Variants in PNISR observed in about 807,000 individuals in gnomAD.
PNISR encodes PNN interacting serine and arginine rich protein.
Under a neutral mutation model 93.4 loss-of-function variants are expected in PNISR, and 20 were observed. The ratio of observed to expected loss-of-function variants is 0.21; its 90% confidence interval spans 0.15 to 0.31. The LOEUF is 0.31. Among genes scored for constraint, PNISR ranks in the 10% least tolerant of loss-of-function variants. PNISR has a pLI of 1.00. For synonymous variants in PNISR, 305 were observed against 306.5 expected (o/e 0.99, Z 0.05); for missense variants, 893 against 985.4 (o/e 0.91, Z 1.25).
Position 99,402,710 on chromosome 6 carries a change from C to T in PNISR, c.1157G>A (p.Gly386Asp). The T allele has an allele frequency of 6.4e-7, 1 of 1,568,942 alleles. No individual in the cohort carries two copies. The highest frequency in any genetic ancestry group is 1.3e-5 in the African/African-American group (1 of 74,134). Residue 386 changes from glycine to aspartate, a missense_variant and splice_region_variant, in exon 11 of 12, where the codon GGT becomes GAT. Transcript: ENST00000369239. The part of the protein sequence containing the change: ...SSALASLTGL[G>D]GLGGYGSGDS... ...TCCTGATCCATAACCACCCAGTCCA[C>T]CTGTGTGCATAAAGCTCAGTCTATC...
intron 8 of PNISR, 71 bp downstream of exon 8, chr6:99,405,960 C>A (rs1188880788): frequency 3.7e-6 from 4 of 1,073,368 alleles, no homozygotes; most frequent in Non-Finnish European, 1.3e-6. Flanking sequence ...GTTTTTTCCT[C>A]TAATATTGTC....
Position 99,425,266 on chromosome 6 carries a change from C to G in PNISR, c.-163G>C, listed in dbSNP as rs1230876096. 3 of 1,232,176 alleles carry G rather than the reference C, an allele frequency of 2.4e-6. No homozygotes were observed. The highest frequency in any genetic ancestry group is 3.0e-6 in the Non-Finnish European group (3 of 987,964). The allele number at this position is 1,232,176 out of a possible 1,614,324, so 76.3% of individuals were successfully genotyped here. ...CGCCGCCGTTCCGGTAACACCTCTC[C>G]AACGCTTTCGATGCTTCTACTTCTT... is the stretch of plus-strand genomic sequence containing the variant. On this transcript the variant is annotated 5_prime_UTR_variant, in exon 1 of 12. Transcript: ENST00000369239.
chr6:99,398,634 A>C lies in PNISR; in HGVS notation c.*1906T>G, dbSNP rs938108602. ...GCTCTAGTTCATAACTTGCCCAAAAATGTGCATATCATAGCCAACAGAATT... is the reference window on the plus strand; with the variant it reads ...GCTCTAGTTCATAACTTGCCCAAAACTGTGCATATCATAGCCAACAGAATT... On this transcript the variant is annotated 3_prime_UTR_variant, in exon 12 of 12. Transcript: ENST00000369239. The C allele has an allele frequency of 2.6e-5, 4 of 152,136 alleles. No individual in the cohort carries two copies. The highest frequency in any genetic ancestry group is 9.6e-5 in the African/African-American group (4 of 41,464). 9.4% of individuals were successfully genotyped at this position (152,136 alleles called of 1,614,324 possible). A position where few individuals can be genotyped will look rare whatever the true frequency, so the allele number is the denominator to read the frequency against.
chr6:99,409,259 T>C lies in PNISR; in HGVS notation c.587A>G (p.Gln196Arg). The C allele has an allele frequency of 6.2e-7, 1 of 1,614,038 alleles. No homozygotes were observed. Among genetic ancestry groups the C allele is most frequent in the Non-Finnish European group, 8.5e-7 (1 of 1,179,950 alleles). The change falls in exon 6 of 12, where the codon CAG becomes CGG. Residue 196 changes from glutamine to arginine, a missense_variant. Coordinates refer to ENST00000369239, the MANE Select transcript of PNISR (RefSeq NM_032870.4). ...TGATGATGGCCTTTCTCTTCGATTC[T>C]GGGGAGGTGCTGGAGGTCCTGGAGG... is the stretch of plus-strand genomic sequence containing the variant. ...PGPPGPPAPP[Q>R]NRRERPSSFR... is the part of the protein sequence containing the mutation.
At chr6:99,408,336 A>G in intron 6 of PNISR, 65 bp from the exon 7 acceptor site, 1 of 1,114,786 alleles carries the variant, frequency 9.0e-7, no homozygotes, top group East Asian at 2.4e-5. Flanking sequence ...ACTTGTGAGT[A>G]AATTTAAAAA....
In PNISR at chr6:99,402,584, C is replaced by T; in HGVS notation, c.1283G>A (p.Arg428Lys). The change falls in exon 11 of 12, where the codon AGA (arginine) becomes AAA (lysine). Residue 428 changes from arginine (R) to lysine (K), a missense_variant. By Grantham distance (26) the Arg-to-Lys change is conservative. Around this residue, in one of 3 missense-constraint regions of PNISR, gnomAD observed 866 missense variants for 935.1 expected, o/e 0.93. Transcript: ENST00000369239. The stretch of plus-strand genomic sequence containing the variant: ...TAATAGCTGCTGTTCTTTTTCTTTT[C>T]TCCAAAAAGCTTCCTGTTTTTGCCG... ...RIRQKQEAFW[R>K]KEKEQQLLHD... 6.2e-7 allele frequency: 1 copy of T among 1,613,380 alleles called. No individual in the cohort carries two copies. The highest frequency in any genetic ancestry group is 2.2e-5 in the East Asian group (1 of 44,840).
chr6:99,398,341 GT>G lies in PNISR; in HGVS notation c.*2198del, dbSNP rs1351996009. On this transcript the variant is annotated 3_prime_UTR_variant, in exon 12 of 12. Coordinates refer to ENST00000369239, the MANE Select transcript of PNISR (RefSeq NM_032870.4). Reference sequence around the variant, plus strand: ...ATACATCTAATTAACTTATGTGTAAGTTTTTGCATTCACATCCTAAATCATG... The same window carrying G: ...ATACATCTAATTAACTTATGTGTAAGTTTTGCATTCACATCCTAAATCATG... The G allele has an allele frequency of 6.6e-6, 1 of 152,076 alleles. No individual in the cohort carries two copies. The highest frequency in any genetic ancestry group is 1.5e-5 in the Non-Finnish European group (1 of 67,962). 9.4% of individuals were successfully genotyped at this position (152,076 alleles called of 1,614,324 possible). A position where few individuals can be genotyped will look rare whatever the true frequency, so the allele number is the denominator to read the frequency against.
intron 1 of PNISR, among the ~76,000 whole-genome samples, chr6:99,423,109 C>T (rs10457013): frequency 0.13 from 19,721 of 151,082 alleles, 1,830 homozygotes; most frequent in Non-Finnish European, 0.18. Context: ...AAAGATGAGT[C>T]TGGGGCATGT....
Position 99,404,620 on chromosome 6 carries a change from T to C in PNISR, c.1085A>G (p.His362Arg). The C allele has an allele frequency of 4.4e-6, 7 of 1,588,550 alleles. No individual in the cohort carries two copies. Among genetic ancestry groups the C allele is most frequent in the Non-Finnish European group, 6.1e-6 (7 of 1,156,766 alleles). The change falls in exon 9 of 12, where the codon CAC (histidine) becomes CGC (arginine). Residue 362 changes from histidine to arginine, a missense_variant. Transcript: ENST00000369239. ...AAATATACCTTTCGTTGCTTTGCGG[T>C]GTGCATCTTTGGCTACGTAATAAAT... is the stretch of plus-strand genomic sequence containing the variant. ...EEIYYVAKDAHRKATKAPAKQ... is the reference protein window; with the variant it reads ...EEIYYVAKDARRKATKAPAKQ...
chr6:99,419,322 G>T (rs1417745365), intron 1 of PNISR, among the ~76,000 whole-genome samples: 1 of 151,852 alleles, frequency 6.6e-6, no homozygotes, highest in Non-Finnish European at 1.5e-5. Flanking sequence ...AGCATATTTT[G>T]TAACAGTAAA....
At chr6:99,422,881 A>C (rs1463210411) in intron 1 of PNISR, among the ~76,000 whole-genome samples, 2 of 39,234 alleles carry the variant, frequency 5.1e-5, no homozygotes, top group East Asian at 7.5e-3. Flanking sequence ...TGTCTCAAAA[A>C]AAAAAAAAAA....
At chr6:99,409,038 A>C in intron 6 of PNISR, 135 bp downstream of exon 6, 1 of 680,200 alleles carries the variant, frequency 1.5e-6, no homozygotes, top group Non-Finnish European at 2.5e-6. Flanking sequence ...TTTAAGCTTT[A>C]TGACCATAAA....
intron 4 of PNISR, 29 bp from the exon 5 acceptor site, chr6:99,410,993 C>A: frequency 6.7e-7 from 1 of 1,503,718 alleles, no homozygotes. Flanking sequence ...TAAAAACATT[C>A]AACAGGCGGT....
Position 99,399,439 on chromosome 6 carries a change from T to C in PNISR, c.*1101A>G, listed in dbSNP as rs536718954. The C allele has an allele frequency of 1.6e-4, 24 of 152,264 alleles. No homozygotes were observed. The highest frequency in any genetic ancestry group is 5.8e-4 in the African/African-American group (24 of 41,584). The allele number at this position is 152,264 out of a possible 1,614,324, so 9.4% of individuals were successfully genotyped here. On this transcript the variant is annotated 3_prime_UTR_variant, in exon 12 of 12. Transcript: ENST00000369239. ...ATTCCTCCATTGATTTGAGGTCATA[T>C]TATACTTTAAAAATATAAATAAATA... is the stretch of plus-strand genomic sequence containing the variant.
chr6:99,413,540 G>T (rs1777262959), intron 3 of PNISR, among the ~76,000 whole-genome samples: 1 of 151,870 alleles, frequency 6.6e-6, no homozygotes, highest in African/African-American at 2.4e-5. Flanking sequence ...TGCCCCGGCT[G>T]GCCTCAAACT....
In PNISR at chr6:99,401,031, C is replaced by CAATTTTACGCCTATCTCGACTCCT; in HGVS notation, c.1903_1926dup (p.Arg635_Ile642dup). On this transcript the variant is annotated inframe_insertion, in exon 12 of 12. Coordinates refer to ENST00000369239, the MANE Select transcript of PNISR (RefSeq NM_032870.4). ...CCACTAAGATTTCCACGTTGATCAT[C>CAATTTTACGCCTATCTCGACTCCT]AATTTTACGCCTATCTCGACTCCTA... The CAATTTTACGCCTATCTCGACTCCT allele has an allele frequency of 1.2e-6, 2 of 1,613,780 alleles. No individual in the cohort carries two copies.
intron 11 of PNISR, among the ~76,000 whole-genome samples, chr6:99,402,175 T>C (rs892377772): frequency 1.3e-5 from 2 of 152,244 alleles, no homozygotes; most frequent in African/African-American, 4.8e-5. Flanking sequence ...TTCTCTTTTG[T>C]TATTCCTAGT....
At chr6:99,404,298 C>T (rs1420515143) in intron 9 of PNISR, 1 of 411,382 alleles carries the variant, frequency 2.4e-6, no homozygotes, top group African/African-American at 2.0e-5. Flanking sequence ...AGAAGTCACA[C>T]AACAATGCCA....
At chr6:99,405,500 C>G (rs972773071) in intron 8 of PNISR, among the ~76,000 whole-genome samples, 2 of 151,936 alleles carry the variant, frequency 1.3e-5, no homozygotes, top group Non-Finnish European at 2.9e-5. Flanking sequence ...CGAAATCATA[C>G]GGATCAAAGA....
Sources: allele counts gnomAD v4.1 joint callset (sites outside exome capture counted in the v4.1 genomes callset), GRCh38; gene constraint gnomAD v4.1.1; regional missense constraint gnomAD v4.1.1; transcripts MANE v1.5; gene names NCBI Gene and HGNC (gene_info 2026-07-23, HGNC 2026-07-21).